The following CCR3 variants were observed in gnomAD, a reference collection of about 807,000 sequenced individuals.
CCR3 encodes C-C motif chemokine receptor 3, also known as C-C chemokine receptor type 3.
For missense variants in CCR3, 419 were observed against 437.5 expected, an observed-to-expected ratio of 0.96 and a Z score of 0.38; for synonymous variants, 203 against 179.2, an observed-to-expected ratio of 1.13 and a Z score of -1.06.
In CCR3 at chr3:46,266,591, A is replaced by T. The variant is rs200826413; in HGVS notation, c.*365A>T. The T allele has an allele frequency of 5.6e-5, 11 of 197,378 alleles. No individual in the cohort carries two copies. Among genetic ancestry groups the T allele is most frequent in the Non-Finnish European group, 1.2e-4 (11 of 89,076 alleles). The allele number at this position is 197,378 out of a possible 1,614,324, so 12.2% of individuals were successfully genotyped here. On this transcript the variant is annotated 3_prime_UTR_variant, in exon 2 of 2. Coordinates refer to ENST00000395940, the MANE Select transcript of CCR3 (RefSeq NM_178329.3). ...ACTTCAGCCAGCTATTGATATAAAT[A>T]AAACATTTTCACACAATACAATAAG...
At chr3:46,264,656 C>T in intron 1 of CCR3, 2 of 516,026 alleles carry the variant, frequency 3.9e-6, no homozygotes, top group Non-Finnish European at 3.4e-6. Context: ...ATTATGGGGC[C>T]CTGGAGAAGC....
chr3:46,251,543 G>A (rs1193893872), intron 1 of CCR3, among the ~76,000 whole-genome samples: 3 of 152,126 alleles, frequency 2.0e-5, no homozygotes, highest in Admixed American at 2.0e-4. Flanking sequence ...ACGGAGCAAA[G>A]AACAGGAGGA....
intron 2 of CCR3, among the ~76,000 whole-genome samples, chr3:46,234,616 C>A (rs1012842640): frequency 2.0e-5 from 3 of 147,006 alleles, no homozygotes; most frequent in African/African-American, 4.9e-5. Context: ...CTAACTGGAG[C>A]ACCCCACAAA....
chr3:46,233,822 C>T (rs543988061), intron 2 of CCR3, among the ~76,000 whole-genome samples: 9 of 152,230 alleles, frequency 5.9e-5, no homozygotes, highest in Non-Finnish European at 7.3e-5. Flanking sequence ...CTTCTTCAGA[C>T]GGCAGTACCA....
intron 2 of CCR3, among the ~76,000 whole-genome samples, chr3:46,224,490 C>T (rs1176757594): frequency 2.0e-5 from 3 of 152,052 alleles, no homozygotes. Flanking sequence ...GTAATCCCAG[C>T]ACTTTGGGAG....
chr3:46,243,487 G>A (rs1287436443), intron 1 of CCR3, among the ~76,000 whole-genome samples: 1 of 152,078 alleles, frequency 6.6e-6, no homozygotes, highest in Non-Finnish European at 1.5e-5. Flanking sequence ...GATTGATTTG[G>A]TGTCTTTTTT....
chr3:46,257,108 A>G (rs1700442386), intron 1 of CCR3, among the ~76,000 whole-genome samples: 1 of 152,202 alleles, frequency 6.6e-6, no homozygotes, highest in South Asian at 2.1e-4. Flanking sequence ...TGCAAAGATT[A>G]AATACATAGC....
chr3:46,228,668 T>A (rs887947551), intron 2 of CCR3, among the ~76,000 whole-genome samples: 1 of 152,276 alleles, frequency 6.6e-6, no homozygotes, highest in African/African-American at 2.4e-5. Flanking sequence ...CAGCACAGGC[T>A]TAGGAATTAA....
intron 2 of CCR3, among the ~76,000 whole-genome samples, chr3:46,221,773 C>T (rs1462437176): frequency 6.6e-6 from 1 of 152,212 alleles, no homozygotes; most frequent in Non-Finnish European, 1.5e-5. Flanking sequence ...AATGCACATT[C>T]ACTTCTTCCA....
chr3:46,247,058 G>A (rs1700210316), intron 1 of CCR3, among the ~76,000 whole-genome samples: 1 of 152,134 alleles, frequency 6.6e-6, no homozygotes, highest in African/African-American at 2.4e-5. Context: ...AGAATCGGGA[G>A]GACCTAGGAC....
At chr3:46,246,927 TG>T (rs1700205130) in intron 1 of CCR3, among the ~76,000 whole-genome samples, 1 of 151,806 alleles carries the variant, frequency 6.6e-6, no homozygotes, top group African/African-American at 2.4e-5. Flanking sequence ...GGTGATATTG[TG>T]GGGATGTTAG....
intron 2 of CCR3, among the ~76,000 whole-genome samples, chr3:46,214,591 G>A (rs2125922393): frequency 6.6e-6 from 1 of 152,250 alleles, no homozygotes; most frequent in South Asian, 2.1e-4. Context: ...GAGGTATGAG[G>A]ACATCTAACA....
chr3:46,256,893 A>G (rs1700437255), intron 1 of CCR3, among the ~76,000 whole-genome samples: 1 of 152,242 alleles, frequency 6.6e-6, no homozygotes, highest in African/African-American at 2.4e-5. Flanking sequence ...TATCTTTCAC[A>G]AACACAGAGG....
chr3:46,232,216 A>G (rs1699972499), intron 2 of CCR3, among the ~76,000 whole-genome samples: 1 of 152,200 alleles, frequency 6.6e-6, no homozygotes, highest in African/African-American at 2.4e-5. Flanking sequence ...CAACAACACA[A>G]TCCCTCACGG....
At position 46,266,422 on chromosome 3, in the gene CCR3, G is replaced by A; in HGVS notation, c.*196G>A. On this transcript the variant is annotated 3_prime_UTR_variant, in exon 2 of 2. Coordinates refer to ENST00000395940, the MANE Select transcript of CCR3 (RefSeq NM_178329.3). Reference sequence around the variant, plus strand: ...GGTCATTACCACAGGCCAGGGGCTGGGCAGCGTACTCATCATCAACCCTAA... The same window carrying A: ...GGTCATTACCACAGGCCAGGGGCTGAGCAGCGTACTCATCATCAACCCTAA... The A allele has an allele frequency of 1.9e-6, 1 of 514,616 alleles. No homozygotes were observed. The highest frequency in any genetic ancestry group is 3.5e-6 in the Non-Finnish European group (1 of 285,174). 31.9% of individuals were successfully genotyped at this position (514,616 alleles called of 1,614,324 possible).
At chr3:46,252,523 T>C (rs757450342) in intron 1 of CCR3, among the ~76,000 whole-genome samples, 2 of 152,092 alleles carry the variant, frequency 1.3e-5, no homozygotes, top group African/African-American at 4.8e-5. Context: ...ACATTTCCAC[T>C]AATACAGAAA....
intron 1 of CCR3, among the ~76,000 whole-genome samples, chr3:46,261,975 G>T (rs546999090): frequency 6.6e-6 from 1 of 152,156 alleles, no homozygotes; most frequent in Non-Finnish European, 1.5e-5. Flanking sequence ...AAGGCTCAGC[G>T]TTGGAACCAG....
chr3:46,249,113 G>T (rs1367188993), intron 1 of CCR3, among the ~76,000 whole-genome samples: 1 of 152,094 alleles, frequency 6.6e-6, no homozygotes, highest in African/African-American at 2.4e-5. Context: ...GAGCATGATT[G>T]GTCGCCAAGG....
intron 2 of CCR3, among the ~76,000 whole-genome samples, chr3:46,211,499 C>T (rs895660474): frequency 5.9e-5 from 9 of 152,148 alleles, no homozygotes; most frequent in Non-Finnish European, 1.3e-4. Flanking sequence ...GCTGGGATTA[C>T]AGGTGTGACC....
Sources: allele counts gnomAD v4.1 joint callset (sites outside exome capture counted in the v4.1 genomes callset), GRCh38; gene constraint gnomAD v4.1.1; transcripts MANE v1.5; gene names NCBI Gene and HGNC (gene_info 2026-07-23, HGNC 2026-07-21).